The following PTPRG variants were observed in gnomAD, a reference collection of about 807,000 sequenced individuals.
PTPRG encodes protein tyrosine phosphatase receptor type G.
Under a neutral mutation model 165.3 loss-of-function variants are expected in PTPRG, and 102 were observed. The ratio of observed to expected loss-of-function variants is 0.62; its 90% CI spans 0.53 to 0.73. PTPRG has a LOEUF of 0.73. PTPRG is among the 30% of genes least tolerant of loss of function. PTPRG has a pLI of 0.00. For synonymous variants in PTPRG, 675 were observed against 669.5 expected (o/e 1.01, Z -0.13); for missense variants, 1,866 against 1,861.4 (o/e 1.00, Z -0.05).
intron 4 of PTPRG, among the ~76,000 whole-genome samples, chr3:62,043,678 T>C (rs1700196041): frequency 6.6e-6 from 1 of 152,194 alleles, no homozygotes; most frequent in Non-Finnish European, 1.5e-5. Flanking sequence ...GAACAAGCTT[T>C]GGTCGTGAAT....
At chr3:61,681,054 T>TAAAAAAAAAAAAAAAAAAAAAAA in intron 1 of PTPRG, among the ~76,000 whole-genome samples, 1 of 66,104 alleles carries the variant, frequency 1.5e-5, no homozygotes, top group South Asian at 9.8e-4. Context: ...CTTTATGTTC[T>TAAAAAAAAAAAAAAAAAAAAAAA]AAAAAAAAAA....
intron 4 of PTPRG, among the ~76,000 whole-genome samples, chr3:62,075,575 C>A (rs1263150729): frequency 1.3e-5 from 2 of 152,160 alleles, no homozygotes; most frequent in Non-Finnish European, 2.9e-5. Context: ...AGAAAACTAC[C>A]CATCCTTCTC....
chr3:62,074,728 A>G lies in PTPRG; in HGVS notation c.520-3435A>G, dbSNP rs142308100. Among the ~76,000 whole-genome samples the G allele has an allele frequency of 7.0e-4, 107 of 152,264 alleles. No individual in the cohort carries two copies. The East Asian group carries it at 0.016, about 23-fold the overall frequency. On this transcript the variant is annotated intron_variant, in intron 4 of 29. Coordinates refer to ENST00000474889, the MANE Select transcript of PTPRG (RefSeq NM_002841.4). ...GAGCATCACTTAGATTAACATTACTAGAAAGAACAGACTTTGGGGAATATT... is the reference window on the plus strand; with the variant it reads ...GAGCATCACTTAGATTAACATTACTGGAAAGAACAGACTTTGGGGAATATT...
chr3:62,045,649 A>G (rs915000647), intron 4 of PTPRG, among the ~76,000 whole-genome samples: 1 of 149,936 alleles, frequency 6.7e-6, no homozygotes, highest in Non-Finnish European at 1.5e-5. Context: ...AAATAGTTTA[A>G]TATACATAGA....
chr3:61,804,084 G>A (rs775465979), intron 2 of PTPRG, among the ~76,000 whole-genome samples: 3 of 152,202 alleles, frequency 2.0e-5, no homozygotes, highest in Non-Finnish European at 4.4e-5. Context: ...CTGGGAAAAA[G>A]CTTTGGTCAC....
chr3:61,841,395 G>A (rs1218703278), intron 2 of PTPRG, among the ~76,000 whole-genome samples: 1 of 152,086 alleles, frequency 6.6e-6, no homozygotes, highest in Non-Finnish European at 1.5e-5. Context: ...AGTTTTGTGA[G>A]GTTTCTTGTT....
chr3:61,929,978 C>G (rs1475253064), intron 2 of PTPRG, among the ~76,000 whole-genome samples: 1 of 151,112 alleles, frequency 6.6e-6, no homozygotes, highest in African/African-American at 2.4e-5. Flanking sequence ...TAGTAATGCT[C>G]TTTCTTGCCC....
chr3:61,703,348 G>A (rs997549037), intron 1 of PTPRG, among the ~76,000 whole-genome samples: 1 of 152,216 alleles, frequency 6.6e-6, no homozygotes, highest in African/African-American at 2.4e-5. Flanking sequence ...CGAAAGGGTT[G>A]TAAAGAAATC....
intron 2 of PTPRG, among the ~76,000 whole-genome samples, chr3:61,949,977 A>G (rs946301148): frequency 1.3e-5 from 2 of 151,976 alleles, no homozygotes; most frequent in African/African-American, 4.8e-5. Context: ...CAATCTCTTG[A>G]CCTCATGATC....
At chr3:62,085,128 T>A (rs567824087) in intron 5 of PTPRG, among the ~76,000 whole-genome samples, 36 of 152,348 alleles carry the variant, frequency 2.4e-4, no homozygotes, top group African/African-American at 8.4e-4. Context: ...CTCACAGTAG[T>A]GCATTGACCT....
Position 61,561,757 on chromosome 3 carries a change from T to TC in PTPRG, c.-526dup, listed in dbSNP as rs1699757155. 1 of 151,548 alleles carries TC rather than the reference T, an allele frequency of 6.6e-6. No individual in the cohort carries two copies. Among genetic ancestry groups the TC allele is most frequent in the South Asian group, 2.1e-4 (1 of 4,728 alleles). The allele number at this position is 151,548 out of a possible 1,614,324, so 9.4% of individuals were successfully genotyped here. ...GTTTCTATTTTGGGGGGCTCTCCGCTCCCCCTGCCTCTCCCCTCCCCTTCC... is the reference window on the plus strand; with the variant it reads ...GTTTCTATTTTGGGGGGCTCTCCGCTCCCCCCTGCCTCTCCCCTCCCCTTCC... On this transcript the variant is annotated 5_prime_UTR_variant, in exon 1 of 30. The change creates a premature stop within an existing upstream ORF in the 5' untranslated region. Transcript: ENST00000474889.
At chr3:61,931,649 G>A (rs2039364307) in intron 2 of PTPRG, among the ~76,000 whole-genome samples, 1 of 152,142 alleles carries the variant, frequency 6.6e-6, no homozygotes, top group Admixed American at 6.5e-5. Flanking sequence ...TTAAGTTTAT[G>A]ATCTAACATG....
intron 1 of PTPRG, among the ~76,000 whole-genome samples, chr3:61,687,931 G>A (rs1339251336): frequency 6.6e-6 from 1 of 152,170 alleles, no homozygotes; most frequent in Non-Finnish European, 1.5e-5. Flanking sequence ...GTTCATAGGG[G>A]TTTGGGAAGC....
intron 1 of PTPRG, among the ~76,000 whole-genome samples, chr3:61,581,244 A>G (rs541054502): frequency 1.3e-5 from 2 of 152,296 alleles, no homozygotes; most frequent in Admixed American, 1.3e-4. Flanking sequence ...CCCCAGAGAA[A>G]GTTGCCAGGG....
intron 2 of PTPRG, among the ~76,000 whole-genome samples, chr3:61,961,877 C>A (rs2040160105): frequency 6.6e-6 from 1 of 152,140 alleles, no homozygotes; most frequent in East Asian, 1.9e-4. Context: ...ATCAGGCCTT[C>A]CAGGTGATGC....
intron 5 of PTPRG, among the ~76,000 whole-genome samples, chr3:62,130,831 G>A (rs571184223): frequency 1.3e-5 from 2 of 152,052 alleles, no homozygotes; most frequent in Admixed American, 6.6e-5. Flanking sequence ...AATGTTTCAC[G>A]CTTCAGTCCC....
chr3:61,811,376 T>A (rs1168063677), intron 2 of PTPRG, among the ~76,000 whole-genome samples: 2 of 152,224 alleles, frequency 1.3e-5, no homozygotes, highest in African/African-American at 4.8e-5. Flanking sequence ...TGCCTACTGT[T>A]GTTCAATACC....
chr3:61,668,059 C>G (rs1702857993), intron 1 of PTPRG, among the ~76,000 whole-genome samples: 1 of 152,192 alleles, frequency 6.6e-6, no homozygotes, highest in Admixed American at 6.5e-5. Context: ...GTGTTTGCAA[C>G]AGAGACCATA....
At chr3:61,995,056 TC>T (rs1223054146) in intron 3 of PTPRG, among the ~76,000 whole-genome samples, 2 of 104,196 alleles carry the variant, frequency 1.9e-5, no homozygotes, top group Non-Finnish European at 4.1e-5. Context: ...GTTTTTTTTT[TC>T]TTTTTTCTTT....
Sources: allele counts gnomAD v4.1 joint callset (sites outside exome capture counted in the v4.1 genomes callset), GRCh38; gene constraint gnomAD v4.1.1; transcripts MANE v1.5; gene names NCBI Gene and HGNC (gene_info 2026-07-23, HGNC 2026-07-21).